TLL2: variants seen among roughly 807,000 people sequenced by gnomAD.
The protein encoded by TLL2 is tolloid-like protein 2.
A neutral mutation model predicts 123.0 loss-of-function variants in TLL2; 106 were observed. That is an observed-to-expected ratio of 0.86 (90% confidence interval 0.74 to 1.01). TLL2 has a LOEUF of 1.01. Among genes scored for constraint, TLL2 ranks in the 50% least tolerant of loss-of-function variants. The pLI is 0.00. For missense variants in TLL2, 1,332 were observed against 1,336.7 expected (o/e 1.00, Z 0.06); for synonymous variants, 494 against 516.8 (o/e 0.96, Z 0.60).
At position 96,420,971 on chromosome 10, in the gene TLL2, C is replaced by T. The variant is rs535012851; in HGVS notation, c.908G>A (p.Arg303Gln). 16 of 1,613,894 alleles carry T rather than the reference C, an allele frequency of 9.9e-6. No homozygotes were observed. In the South Asian group the frequency reaches 1.1e-4, roughly 11 times the overall value. The change falls in exon 7 of 21, where the codon CGG (arginine) becomes CAG (glutamine). Residue 303 changes from arginine to glutamine, a missense_variant. By Grantham distance (43) the Arg-to-Gln change is conservative. Transcript: ENST00000357947. ...AGATTCCGACCTTGAGAAGGTGTTC[C>T]GGGCGTAGTGCATGATGCTGTCAAA... is the stretch of plus-strand genomic sequence containing the variant. ...YDFDSIMHYA[R>Q]NTFSRGVFLD...
At chr10:96,396,133 T>C in intron 11 of TLL2, 113 bp from the exon 12 acceptor site, 1 of 1,265,232 alleles carries the variant, frequency 7.9e-7, no homozygotes, top group Non-Finnish European at 1.1e-6. Flanking sequence ...GTGGCTCCGC[T>C]CACCAACATT....
At chr10:96,444,128 C>T (rs1846873900) in intron 3 of TLL2, among the ~76,000 whole-genome samples, 1 of 152,214 alleles carries the variant, frequency 6.6e-6, no homozygotes, top group Non-Finnish European at 1.5e-5. Flanking sequence ...GTTAAAAACA[C>T]TGATAATGAG....
chr10:96,470,312 G>T (rs1038988795), intron 2 of TLL2, among the ~76,000 whole-genome samples: 3 of 152,210 alleles, frequency 2.0e-5, no homozygotes, highest in Non-Finnish European at 4.4e-5. Flanking sequence ...ACAGCCTCAT[G>T]GGGGAGCAGG....
intron 3 of TLL2, among the ~76,000 whole-genome samples, chr10:96,445,070 T>A (rs1292328962): frequency 6.6e-6 from 1 of 152,086 alleles, no homozygotes; most frequent in Non-Finnish European, 1.5e-5. Context: ...GCGCCTGTAG[T>A]CCCAGCTACT....
At chr10:96,424,024 A>G (rs960719419) in intron 5 of TLL2, among the ~76,000 whole-genome samples, 2 of 152,220 alleles carry the variant, frequency 1.3e-5, no homozygotes, top group African/African-American at 4.8e-5. Flanking sequence ...GGAACTGGAG[A>G]TCATTATGTT....
intron 10 of TLL2, among the ~76,000 whole-genome samples, chr10:96,398,065 T>C (rs1412805792): frequency 6.6e-6 from 1 of 152,148 alleles, no homozygotes; most frequent in East Asian, 1.9e-4. Flanking sequence ...AGCATAGAAG[T>C]GTCTATGTGA....
At chr10:96,512,193 C>T (rs1000727975) in intron 1 of TLL2, among the ~76,000 whole-genome samples, 15 of 152,326 alleles carry the variant, frequency 9.8e-5, no homozygotes, top group Admixed American at 9.8e-4. Flanking sequence ...GTCTCACAAA[C>T]TCCTCCTGCC....
At chr10:96,471,526 C>T (rs947922573) in intron 2 of TLL2, among the ~76,000 whole-genome samples, 8 of 152,158 alleles carry the variant, frequency 5.3e-5, no homozygotes, top group African/African-American at 1.9e-4. Flanking sequence ...GAAGAGAAGA[C>T]AAGAGAGCCA....
At chr10:96,501,254 G>T (rs1050975282) in intron 1 of TLL2, among the ~76,000 whole-genome samples, 1 of 152,110 alleles carries the variant, frequency 6.6e-6, no homozygotes, top group African/African-American at 2.4e-5. Context: ...CACCTCAAGG[G>T]CACCCCAGTG....
chr10:96,467,831 GAC>G (rs1847144472), intron 2 of TLL2, among the ~76,000 whole-genome samples: 1 of 152,202 alleles, frequency 6.6e-6, no homozygotes, highest in Non-Finnish European at 1.5e-5. Flanking sequence ...GAGAGGCTGA[GAC>G]ACAGTCTTTC....
At chr10:96,406,032 G>A (rs1464833233) in intron 9 of TLL2, among the ~76,000 whole-genome samples, 1 of 152,150 alleles carries the variant, frequency 6.6e-6, no homozygotes, top group South Asian at 2.1e-4. Flanking sequence ...GGATTGTCAT[G>A]AGGAGCATCT....
intron 1 of TLL2, among the ~76,000 whole-genome samples, chr10:96,503,092 G>A (rs988120452): frequency 2.2e-4 from 33 of 152,154 alleles, no homozygotes; most frequent in Middle Eastern, 3.4e-3. Context: ...CTACACATTT[G>A]GTTTATGTGT....
chr10:96,483,742 C>T (rs1028931914), intron 1 of TLL2, among the ~76,000 whole-genome samples: 1 of 152,120 alleles, frequency 6.6e-6, no homozygotes, highest in Non-Finnish European at 1.5e-5. Context: ...GGGAGGAGGC[C>T]TGTGACAGAG....
At chr10:96,453,794 CA>C (rs1846983888) in intron 2 of TLL2, among the ~76,000 whole-genome samples, 2 of 152,112 alleles carry the variant, frequency 1.3e-5, no homozygotes, top group Admixed American at 1.3e-4. Context: ...AAAAAATAGG[CA>C]AAAAACATGC....
At chr10:96,421,532 C>T (rs1194601166) in intron 6 of TLL2, among the ~76,000 whole-genome samples, 2 of 151,928 alleles carry the variant, frequency 1.3e-5, no homozygotes, top group Non-Finnish European at 2.9e-5. Flanking sequence ...GGCATGGTGG[C>T]GGGTGCCTGT....
At chr10:96,456,916 G>A (rs577115121) in intron 2 of TLL2, among the ~76,000 whole-genome samples, 8 of 152,272 alleles carry the variant, frequency 5.3e-5, no homozygotes, top group Admixed American at 5.2e-4. Context: ...AGGACAAGAA[G>A]GTTTTCAACA....
At chr10:96,512,866 C>T (rs1281941500) in intron 1 of TLL2, among the ~76,000 whole-genome samples, 1 of 152,232 alleles carries the variant, frequency 6.6e-6, no homozygotes, top group Non-Finnish European at 1.5e-5. Flanking sequence ...GCCCGTACGT[C>T]CTGGGGCGCC....
chr10:96,399,984 C>T lies in TLL2; in HGVS notation c.1268-2682G>A, dbSNP rs143658152. Reference sequence around the variant, plus strand: ...TTACTGCCTTGGCAAAACTAGACTTCGTAGAACAAATTACAAATTATTCCT... The same window carrying T: ...TTACTGCCTTGGCAAAACTAGACTTTGTAGAACAAATTACAAATTATTCCT... On this transcript the variant is annotated intron_variant, in intron 10 of 20. Transcript: ENST00000357947. Among the ~76,000 whole-genome samples the T allele has an allele frequency of 2.7e-3, 418 of 152,328 alleles. 1 individual carries two copies. Among genetic ancestry groups the T allele is most frequent in the Non-Finnish European group, 5.0e-3 (342 of 68,024 alleles).
At chr10:96,421,349 G>A (rs781260110) in intron 6 of TLL2, among the ~76,000 whole-genome samples, 5 of 151,862 alleles carry the variant, frequency 3.3e-5, no homozygotes, top group East Asian at 1.9e-4. Flanking sequence ...GCTTGCCCCC[G>A]CAAAAAATAA....
Sources: gnomAD v4.1 joint callset for allele counts (sites outside exome capture counted in the v4.1 genomes callset) on GRCh38, gnomAD v4.1.1 for gene constraint, MANE v1.5 for transcripts, NCBI Gene and HGNC (gene_info 2026-07-23, HGNC 2026-07-21) for gene names.